TTC17: variants seen among roughly 807,000 people sequenced by gnomAD.
TTC17 encodes the protein tetratricopeptide repeat protein 17.
A neutral mutation model predicts 143.8 loss-of-function variants in TTC17; 58 were observed. That is an observed-to-expected ratio of 0.40 (90% CI 0.33 to 0.50). The LOEUF (loss-of-function observed/expected upper bound fraction) is 0.50. TTC17 is among the 20% of genes least tolerant of loss of function. The pLI is 0.49. For missense variants in TTC17, 1,273 were observed against 1,392.5 expected (o/e 0.91, Z 1.37); for synonymous variants, 501 against 497.8 (o/e 1.01, Z -0.09).
intron 21 of TTC17, among the ~76,000 whole-genome samples, chr11:43,458,332 C>T (rs867173089): frequency 6.6e-6 from 1 of 152,154 alleles, no homozygotes; most frequent in African/African-American, 2.4e-5. Flanking sequence ...CTGGTCTCTC[C>T]AGCTCCCCAT....
At chr11:43,485,302 G>A (rs540513163) in intron 21 of TTC17, among the ~76,000 whole-genome samples, 2 of 152,046 alleles carry the variant, frequency 1.3e-5, no homozygotes, top group East Asian at 3.9e-4. Flanking sequence ...AACTGTACTG[G>A]GGCAATTGCT....
intron 11 of TTC17, 106 bp from the exon 12 acceptor site, chr11:43,405,408 A>T (rs1231032223): frequency 4.9e-6 from 4 of 814,578 alleles, no homozygotes; most frequent in Middle Eastern, 2.7e-4. Flanking sequence ...ATCTTAAGAT[A>T]TTATAGTTTT....
intron 2 of TTC17, 113 bp downstream of exon 2, chr11:43,379,435 TTTGCGGG>T: frequency 1.2e-6 from 1 of 869,296 alleles, no homozygotes; most frequent in Non-Finnish European, 1.8e-6. Flanking sequence ...TCTTCTGACT[TTTGCGGG>T]AATATACTAC....
chr11:43,440,792 T>C (rs906200232), intron 16 of TTC17, among the ~76,000 whole-genome samples: 4 of 152,166 alleles, frequency 2.6e-5, no homozygotes, highest in Non-Finnish European at 4.4e-5. Flanking sequence ...CTTCGTGACT[T>C]TCCCACACAT....
intron 4 of TTC17, 68 bp from the exon 5 acceptor site, chr11:43,391,753 A>C: frequency 6.4e-7 from 1 of 1,563,662 alleles, no homozygotes; most frequent in Non-Finnish European, 8.7e-7. Flanking sequence ...AAACACTACA[A>C]GATACTGAAT....
intron 23 of TTC17, among the ~76,000 whole-genome samples, chr11:43,492,704 C>T (rs984275371): frequency 1.8e-4 from 27 of 152,230 alleles, no homozygotes; most frequent in Non-Finnish European, 3.8e-4. Flanking sequence ...AGGTGCTCAC[C>T]AAGTAGTTAA....
chr11:43,482,055 C>G (rs547911156), intron 21 of TTC17, among the ~76,000 whole-genome samples: 1 of 152,042 alleles, frequency 6.6e-6, no homozygotes, highest in South Asian at 2.1e-4. Context: ...AGTGATCCAC[C>G]CACCTCGGCC....
At chr11:43,429,704 A>G (rs1399715850) in intron 16 of TTC17, among the ~76,000 whole-genome samples, 1 of 152,174 alleles carries the variant, frequency 6.6e-6, no homozygotes, top group Non-Finnish European at 1.5e-5. Context: ...AAAAGAAATC[A>G]TTTTTAAAAC....
At chr11:43,434,655 G>A (rs1276382730) in intron 16 of TTC17, among the ~76,000 whole-genome samples, 4 of 152,148 alleles carry the variant, frequency 2.6e-5, no homozygotes, top group Non-Finnish European at 4.4e-5. Flanking sequence ...TAAAATTCGA[G>A]TTCTAACTAC....
intron 1 of TTC17, among the ~76,000 whole-genome samples, chr11:43,371,598 G>C (rs959754349): frequency 2.0e-5 from 3 of 152,196 alleles, no homozygotes; most frequent in African/African-American, 7.2e-5. Context: ...GTTTTATGGA[G>C]GCTTTATTAC....
chr11:43,374,467 A>G (rs955834151), intron 1 of TTC17, among the ~76,000 whole-genome samples: 1 of 152,172 alleles, frequency 6.6e-6, no homozygotes, highest in East Asian at 1.9e-4. Flanking sequence ...AAAAGAAACT[A>G]TCAACAGAGT....
chr11:43,481,152 G>A (rs1188057450), intron 21 of TTC17, among the ~76,000 whole-genome samples: 3 of 152,128 alleles, frequency 2.0e-5, no homozygotes, highest in Non-Finnish European at 4.4e-5. Context: ...ATGATAAAAT[G>A]TTTCATTCAC....
Position 43,398,002 on chromosome 11 carries a change from T to C in TTC17, c.947T>C (p.Leu316Pro), listed in dbSNP as rs1350071892. 2 of 1,613,572 alleles carry C rather than the reference T, an allele frequency of 1.2e-6. No individual in the cohort carries two copies. The highest frequency in any genetic ancestry group is 3.3e-5 in the Admixed American group (2 of 59,920). ...AMLGEYNHSV[L>P]CYDHALQARP... ...CTTGGGGAATATAACCACTCAGTGCTCTGTTATGACCACGCTTTGCAGGCC... is the reference window on the plus strand; with the variant it reads ...CTTGGGGAATATAACCACTCAGTGCCCTGTTATGACCACGCTTTGCAGGCC... Residue 316 changes from leucine (L) to proline (P), a missense_variant, in exon 8 of 24, where the codon CTC becomes CCC. Around this residue, in one of 3 missense-constraint regions of TTC17, gnomAD observed 325 missense variants for 444.2 expected, o/e 0.73. Coordinates refer to ENST00000039989, the MANE Select transcript of TTC17 (RefSeq NM_018259.6).
intron 21 of TTC17, among the ~76,000 whole-genome samples, chr11:43,488,754 T>A (rs1333136294): frequency 6.6e-6 from 1 of 152,158 alleles, no homozygotes; most frequent in African/African-American, 2.4e-5. Flanking sequence ...TGAAGTGCAC[T>A]AAGTGGTGTG....
At chr11:43,375,398 C>T (rs1856725102) in intron 1 of TTC17, among the ~76,000 whole-genome samples, 1 of 152,114 alleles carries the variant, frequency 6.6e-6, no homozygotes, top group Non-Finnish European at 1.5e-5. Context: ...TCAGGTTTTA[C>T]ATAGAGGCAA....
rs758786953 is a variant in TTC17 at position 43,485,598 on chromosome 11, CAT to C, written c.3031-4637_3031-4636del. Among the ~76,000 whole-genome samples the C allele has an allele frequency of 3.3e-5, 5 of 152,116 alleles. No individual in the cohort carries two copies. In the East Asian group the frequency reaches 7.7e-4, roughly 23 times the overall value. On this transcript the variant is annotated intron_variant, in intron 21 of 23. Coordinates refer to ENST00000039989, the MANE Select transcript of TTC17 (RefSeq NM_018259.6). ...ATCTACAAAAGATTAATATACAAAA[CAT>C]ATAAATTGATGAAAAGTAATAAAAT...
At chr11:43,431,125 G>A (rs1053866617) in intron 16 of TTC17, among the ~76,000 whole-genome samples, 1 of 152,172 alleles carries the variant, frequency 6.6e-6, no homozygotes, top group African/African-American at 2.4e-5. Context: ...TGGCTGCATA[G>A]TATTCCATGG....
chr11:43,438,165 G>A (rs1046425383), intron 16 of TTC17, among the ~76,000 whole-genome samples: 1 of 152,166 alleles, frequency 6.6e-6, no homozygotes, highest in African/African-American at 2.4e-5. Flanking sequence ...GCCCTATGGT[G>A]GTAATCTTTT....
chr11:43,491,266 G>A (rs1167927248), intron 22 of TTC17: 1 of 152,186 alleles, frequency 6.6e-6, no homozygotes, highest in Non-Finnish European at 1.5e-5. Context: ...GCATGATACA[G>A]GTAACAGTTG....
Sources: gnomAD v4.1 joint callset for allele counts (sites outside exome capture counted in the v4.1 genomes callset) on GRCh38, gnomAD v4.1.1 for gene constraint, gnomAD v4.1.1 regional missense constraint, MANE v1.5 for transcripts, NCBI Gene and HGNC (gene_info 2026-07-23, HGNC 2026-07-21) for gene names.